Variants in PCCA observed in about 807,000 individuals in gnomAD.
PCCA encodes the protein propionyl-CoA carboxylase subunit alpha.
In PCCA, 74 loss-of-function variants were observed where a neutral mutation model predicts 101.3. The observed-to-expected ratio is 0.73, with a 90% CI of 0.61 to 0.89. PCCA has a LOEUF of 0.89. Ranked by LOEUF, PCCA falls within the 40% of genes least tolerant of loss-of-function variation. The pLI is 0.00. For synonymous variants in PCCA, 294 were observed against 313.6 expected (o/e 0.94, Z 0.66); for missense variants, 891 against 907.0 (o/e 0.98, Z 0.23).
At chr13:100,101,998 T>C (rs749393795) in intron 1 of PCCA, among the ~76,000 whole-genome samples, 10 of 152,212 alleles carry the variant, frequency 6.6e-5, no homozygotes, top group Non-Finnish European at 1.5e-4. Flanking sequence ...TCTTAGAAAG[T>C]TCTAAGAGGT....
intron 6 of PCCA, among the ~76,000 whole-genome samples, chr13:100,203,680 C>T (rs921319401): frequency 3.3e-5 from 5 of 151,908 alleles, no homozygotes; most frequent in Admixed American, 3.3e-4. Context: ...GACTTCGTAT[C>T]AAGACAAAAA....
rs138014789 is a variant in PCCA, at chr13:100,456,956, G to A, written c.1899+7651G>A. On this transcript the variant is annotated intron_variant, in intron 21 of 23. Transcript: ENST00000376285. ...CTCCAAGGAAAAGAGACTCCGTTTC[G>A]CGGTCTGCTAAGTAATGGGTGTCTT... Among the ~76,000 whole-genome samples, 236 of 152,112 alleles carry A rather than the reference G, an allele frequency of 1.6e-3. 1 individual carries two copies. The highest frequency in any genetic ancestry group is 5.4e-3 in the African/African-American group (225 of 41,466).
At chr13:100,260,643 C>T (rs896508221) in intron 9 of PCCA, among the ~76,000 whole-genome samples, 13 of 151,830 alleles carry the variant, frequency 8.6e-5, no homozygotes, top group Non-Finnish European at 1.5e-4. Context: ...GCAATCCACC[C>T]GCCTCAGCCT....
chr13:100,411,846 A>G (rs2078073277), intron 19 of PCCA, among the ~76,000 whole-genome samples: 1 of 152,138 alleles, frequency 6.6e-6, no homozygotes, highest in African/African-American at 2.4e-5. Context: ...TACCTCCCAA[A>G]GGTCCTGTCT....
chr13:100,383,472 T>A (rs2076339111), intron 19 of PCCA, among the ~76,000 whole-genome samples: 1 of 151,892 alleles, frequency 6.6e-6, no homozygotes, highest in South Asian at 2.1e-4. Flanking sequence ...TAGCCGGTCA[T>A]GGTGATACAC....
intron 7 of PCCA, 152 bp downstream of exon 7, chr13:100,209,615 A>C (rs2059084783): frequency 4.7e-6 from 3 of 638,286 alleles, no homozygotes; most frequent in Non-Finnish European, 8.3e-6. Context: ...TGTTTAAAAA[A>C]TCAGTGTTTT....
Position 100,089,144 on chromosome 13 carries a change from A to T in PCCA, c.24A>T (p.Thr8=), listed in dbSNP as rs117397004. Residue 8 remains threonine, a synonymous_variant, in exon 1 of 24, where the codon ACA becomes ACT. Transcript: ENST00000376285. MAGFWVG[T]APLVAAGRRG... is the part of the protein sequence containing the mutation. Reference sequence around the variant, plus strand: ...CAATGGCGGGGTTCTGGGTCGGGACAGCACCGCTGGTCGCTGCCGGACGGC... The same window carrying T: ...CAATGGCGGGGTTCTGGGTCGGGACTGCACCGCTGGTCGCTGCCGGACGGC... The T allele has an allele frequency of 8.5e-6, 13 of 1,522,844 alleles. No homozygotes were observed. In the South Asian group the frequency reaches 1.5e-4, roughly 18 times the overall value. 94.3% of individuals were successfully genotyped at this position (1,522,844 alleles called of 1,614,324 possible). A position where few individuals can be genotyped will look rare whatever the true frequency, so the allele number is the denominator to read the frequency against.
chr13:100,093,733 A>G (rs7987087), intron 1 of PCCA, among the ~76,000 whole-genome samples: 73,142 of 151,754 alleles, frequency 0.48, 18,173 homozygotes, highest in South Asian at 0.63. Flanking sequence ...AGGCAACATA[A>G]TGATACCACC....
At chr13:100,169,112 G>T (rs1256084585) in intron 6 of PCCA, among the ~76,000 whole-genome samples, 3 of 152,070 alleles carry the variant, frequency 2.0e-5, no homozygotes, top group Admixed American at 6.6e-5. Context: ...GGCAAAAAAG[G>T]CATGTTTCAA....
intron 22 of PCCA, among the ~76,000 whole-genome samples, chr13:100,521,825 A>G (rs1321467302): frequency 1.3e-5 from 2 of 152,224 alleles, no homozygotes; most frequent in African/African-American, 2.4e-5. Context: ...CAGGGCTGAT[A>G]TTGATCCGTG....
At chr13:100,284,248 C>T (rs896502159) in intron 12 of PCCA, among the ~76,000 whole-genome samples, 4 of 152,170 alleles carry the variant, frequency 2.6e-5, no homozygotes, top group African/African-American at 9.7e-5. Flanking sequence ...GCCTGAAAGT[C>T]CCACACCTTT....
intron 5 of PCCA, among the ~76,000 whole-genome samples, 169 bp from the exon 6 acceptor site, chr13:100,157,118 G>T (rs2053967265): frequency 6.6e-6 from 1 of 152,192 alleles, no homozygotes; most frequent in Non-Finnish European, 1.5e-5. Flanking sequence ...CTTGGAATTT[G>T]ATTCTGATCC....
At chr13:100,305,917 T>G (rs1259188775) in intron 14 of PCCA, 2 of 353,116 alleles carry the variant, frequency 5.7e-6, no homozygotes, top group Non-Finnish European at 1.1e-5. Context: ...TATATTTTTG[T>G]TTGTGCTTGC....
chr13:100,398,124 A>G (rs1158535259), intron 19 of PCCA, among the ~76,000 whole-genome samples: 1 of 152,222 alleles, frequency 6.6e-6, no homozygotes, highest in Non-Finnish European at 1.5e-5. Context: ...GCTGGTAGTA[A>G]TTGGTGAGCT....
At chr13:100,208,342 G>T (rs575751008) in intron 6 of PCCA, among the ~76,000 whole-genome samples, 35 of 152,274 alleles carry the variant, frequency 2.3e-4, no homozygotes, top group Non-Finnish European at 3.5e-4. Flanking sequence ...TTCTTTGCAG[G>T]CAGCAACGCT....
At chr13:100,481,640 G>T (rs2083944189) in intron 21 of PCCA, among the ~76,000 whole-genome samples, 1 of 152,158 alleles carries the variant, frequency 6.6e-6, no homozygotes, top group African/African-American at 2.4e-5. Flanking sequence ...ACTGGTTGGT[G>T]GTGGGGGTGT....
chr13:100,161,379 A>C (rs955537392), intron 6 of PCCA: 10 of 152,214 alleles, frequency 6.6e-5, no homozygotes, highest in African/African-American at 2.4e-4. Flanking sequence ...ATACTTGAGA[A>C]AATGTTCATG....
intron 7 of PCCA, among the ~76,000 whole-genome samples, chr13:100,217,805 T>G (rs1044193301): frequency 2.9e-5 from 4 of 139,794 alleles, no homozygotes; most frequent in Admixed American, 7.3e-5. Context: ...TTTGTGTGTG[T>G]GTGGCTGAGT....
intron 21 of PCCA, among the ~76,000 whole-genome samples, chr13:100,461,492 A>G (rs1296332): frequency 0.6 from 91,436 of 152,096 alleles, 28,350 homozygotes; most frequent in East Asian, 0.83. Context: ...GTGATGTCAT[A>G]CATTTTTGGT....
Sources: allele counts gnomAD v4.1 joint callset (sites outside exome capture counted in the v4.1 genomes callset), GRCh38; gene constraint gnomAD v4.1.1; transcripts MANE v1.5; gene names NCBI Gene and HGNC (gene_info 2026-07-23, HGNC 2026-07-21).